DYNC2I2: variants seen among roughly 807,000 people sequenced by gnomAD.
DYNC2I2 encodes the protein dynein 2 intermediate chain 2.
Under a neutral mutation model 52.0 loss-of-function variants are expected in DYNC2I2, and 39 were observed. That is an observed-to-expected ratio of 0.75 (90% CI 0.58 to 0.98). The LOEUF is 0.98. Ranked by LOEUF, DYNC2I2 falls within the 50% of genes least tolerant of loss-of-function variation. The pLI is 0.00. For missense variants in DYNC2I2, 743 were observed against 728.4 expected (o/e 1.02, Z -0.23); for synonymous variants, 359 against 321.1 (o/e 1.12, Z -1.26).
chr9:128,673,149 G>A, the DYNC2I2 span, among the ~76,000 whole-genome samples: 1 of 152,256 alleles, frequency 6.6e-6, no homozygotes. Flanking sequence ...TCACAGAGTT[G>A]CTTATAATGA....
chr9:128,679,443 A>C, the DYNC2I2 span, among the ~76,000 whole-genome samples: 2 of 152,216 alleles, frequency 1.3e-5, no homozygotes, highest in African/African-American at 4.8e-5. Flanking sequence ...ACTTATGACT[A>C]AGATTTAGTT....
At chr9:128,668,472 G>A in the DYNC2I2 span, among the ~76,000 whole-genome samples, 71 of 151,706 alleles carry the variant, frequency 4.7e-4, no homozygotes, top group African/African-American at 1.6e-3. Context: ...CGTAAATCAC[G>A]ATTGTGTCAT....
chr9:128,656,349 G>A (rs1860823865), intron 1 of DYNC2I2, among the ~76,000 whole-genome samples, 192 bp downstream of exon 1: 3 of 152,100 alleles, frequency 2.0e-5, no homozygotes, highest in South Asian at 2.1e-4. Context: ...TGGGCCGAAA[G>A]TATCCTCTGG....
rs1038265489 is a variant in DYNC2I2, at chr9:128,634,339, T to A, written c.1259A>T (p.Tyr420Phe). The change falls in exon 8 of 9, where the codon TAC becomes TTC. Residue 420 changes from tyrosine (Y) to phenylalanine (F), a missense_variant. Coordinates refer to ENST00000372715, the MANE Select transcript of DYNC2I2 (RefSeq NM_052844.4). ...CAAGGGAGGGGCCTGCAGCATGGAGTACAGGTGGACATGCCCGTCAGTCCC... is the reference window on the plus strand; with the variant it reads ...CAAGGGAGGGGCCTGCAGCATGGAGAACAGGTGGACATGCCCGTCAGTCCC... ...SAGTDGHVHL[Y>F]SMLQAPPLTS... 16 of 1,608,496 alleles carry A rather than the reference T, an allele frequency of 9.9e-6. No homozygotes were observed. The highest frequency in any genetic ancestry group is 1.3e-5 in the African/African-American group (1 of 74,406).
intron 1 of DYNC2I2, among the ~76,000 whole-genome samples, chr9:128,649,802 A>G (rs377152415): frequency 0.25 from 8,142 of 32,016 alleles, 1,761 homozygotes; most frequent in Non-Finnish European, 0.59. Flanking sequence ...AGACCAGCCT[A>G]ACCAACATGG....
Position 128,656,694 on chromosome 9 carries a change from G to A in DYNC2I2, c.33C>T (p.Ser11=). MATRAQPGPL[S]QAGSAGVAAL... is the part of the protein sequence containing the mutation. Reference sequence around the variant, plus strand: ...CCGCAACACCAGCGCTTCCCGCCTGGCTGAGTGGCCCCGGCTGCGCGCGGG... The same window carrying A: ...CCGCAACACCAGCGCTTCCCGCCTGACTGAGTGGCCCCGGCTGCGCGCGGG... Residue 11 remains serine (S), a synonymous_variant, in exon 1 of 9, where the codon AGC becomes AGT. Coordinates refer to ENST00000372715, the MANE Select transcript of DYNC2I2 (RefSeq NM_052844.4). 1 of 1,482,524 alleles carries A rather than the reference G, an allele frequency of 6.7e-7. No homozygotes were observed. The allele number at this position is 1,482,524 out of a possible 1,614,324, so 91.8% of individuals were successfully genotyped here. A position where few individuals can be genotyped will look rare whatever the true frequency, so the allele number is the denominator to read the frequency against.
Position 128,656,819 on chromosome 9 carries a change from G to A in DYNC2I2, c.-93C>T, listed in dbSNP as rs1860839697. 3 of 1,255,906 alleles carry A rather than the reference G, an allele frequency of 2.4e-6. No homozygotes were observed. The highest frequency in any genetic ancestry group is 3.1e-6 in the Non-Finnish European group (3 of 978,008). 77.8% of individuals were successfully genotyped at this position (1,255,906 alleles called of 1,614,324 possible). A position where few individuals can be genotyped will look rare whatever the true frequency, so the allele number is the denominator to read the frequency against. ...GGAAAACGGGGAATGTGAGGCTGACGGCGCCATGTTTGAATTGGTCGCAGC... is the reference window on the plus strand; with the variant it reads ...GGAAAACGGGGAATGTGAGGCTGACAGCGCCATGTTTGAATTGGTCGCAGC... On this transcript the variant is annotated 5_prime_UTR_variant, in exon 1 of 9. Coordinates refer to ENST00000372715, the MANE Select transcript of DYNC2I2 (RefSeq NM_052844.4).
Position 128,634,927 on chromosome 9 carries a change from G to A in DYNC2I2, c.982-6C>T. 2 of 1,611,538 alleles carry A rather than the reference G, an allele frequency of 1.2e-6. No individual in the cohort carries two copies. The highest frequency in any genetic ancestry group is 1.7e-6 in the Non-Finnish European group (2 of 1,179,294). On this transcript the variant is annotated splice_region_variant and splice_polypyrimidine_tract_variant and intron_variant, in intron 6 of 8. Coordinates refer to ENST00000372715, the MANE Select transcript of DYNC2I2 (RefSeq NM_052844.4). ...TCGGTCTCCCCGCGGGGATGCTGTG[G>A]AGAAATGGCAGCAGCAGGGTCAGAG...
intron 1 of DYNC2I2, among the ~76,000 whole-genome samples, chr9:128,644,852 A>G (rs1860584293): frequency 1.3e-5 from 2 of 152,246 alleles, no homozygotes; most frequent in Non-Finnish European, 2.9e-5. Context: ...ATTCATTCTT[A>G]TTATATCTGC....
At chr9:128,641,345 C>T (rs1280554071) in intron 1 of DYNC2I2, among the ~76,000 whole-genome samples, 1 of 152,076 alleles carries the variant, frequency 6.6e-6, no homozygotes, top group Admixed American at 6.6e-5. Flanking sequence ...CCCATGAACA[C>T]CCCAGCTTCA....
At position 128,640,849 on chromosome 9, in the gene DYNC2I2, C is replaced by A. The variant is rs747197509; in HGVS notation, c.277G>T (p.Val93Leu). The change falls in exon 2 of 9, where the codon GTG (valine) becomes TTG (leucine). Residue 93 changes from valine to leucine, a missense_variant. Coordinates refer to ENST00000372715, the MANE Select transcript of DYNC2I2 (RefSeq NM_052844.4). ...VDAQVQTEAP[V>L]PVSVQPPSQY... Reference sequence around the variant, plus strand: ...GACGGGGGCTGCACGCTGACAGGCACGGGGGCCTCCGTCTGCACCTGGGCG... The same window carrying A: ...GACGGGGGCTGCACGCTGACAGGCAAGGGGGCCTCCGTCTGCACCTGGGCG... The A allele has an allele frequency of 2.5e-6, 4 of 1,613,842 alleles. No homozygotes were observed. Among genetic ancestry groups the A allele is most frequent in the Non-Finnish European group, 2.5e-6 (3 of 1,180,002 alleles).
chr9:128,633,896 A>T lies in DYNC2I2; in HGVS notation c.1459T>A (p.Cys487Ser). 6.2e-7 allele frequency: 1 copy of T among 1,613,454 alleles called. No individual in the cohort carries two copies. The highest frequency in any genetic ancestry group is 1.1e-5 in the South Asian group (1 of 91,088). The change falls in exon 9 of 9, where the codon TGT (cysteine) becomes AGT (serine). Residue 487 changes from cysteine to serine, a missense_variant. Cys to Ser is a moderately radical substitution (Grantham distance 112). Transcript: ENST00000372715. ...KQTQDESPVY[C>S]LEFNSQQTQL... ...GTCTGCTGGCTGTTGAACTCCAGAC[A>T]GTAGACAGGGCTTTCATCCTGGGTT...
At chr9:128,683,609 G>A in the DYNC2I2 span, 3 of 348,998 alleles carry the variant, frequency 8.6e-6, no homozygotes, top group Admixed American at 4.6e-5. Flanking sequence ...AAAGCACAGG[G>A]ATCCTCTCCT....
the DYNC2I2 span, among the ~76,000 whole-genome samples, chr9:128,674,328 G>C: frequency 6.6e-6 from 1 of 151,698 alleles, no homozygotes; most frequent in Non-Finnish European, 1.5e-5. Context: ...TAGAGATGGG[G>C]TTTCACCGTG....
chr9:128,637,047 C>T lies in DYNC2I2; in HGVS notation c.436-20G>A, dbSNP rs1206177711. 9 of 1,597,800 alleles carry T rather than the reference C, an allele frequency of 5.6e-6. No individual in the cohort carries two copies. The highest frequency in any genetic ancestry group is 2.2e-5 in the East Asian group (1 of 44,712). On this transcript the variant is annotated intron_variant, in intron 2 of 8. Coordinates refer to ENST00000372715, the MANE Select transcript of DYNC2I2 (RefSeq NM_052844.4). ...AGACACCTGCGGAGACGTCCCCAAC[C>T]CTGAGTCCAAAGCCACCAGCAGGGG...
chr9:128,646,044 C>A (rs755986814), intron 1 of DYNC2I2, among the ~76,000 whole-genome samples: 2 of 152,188 alleles, frequency 1.3e-5, no homozygotes, highest in Non-Finnish European at 2.9e-5. Flanking sequence ...GTGAAGCCAG[C>A]AGAGGTTGGC....
chr9:128,664,052 G>A, the DYNC2I2 span, among the ~76,000 whole-genome samples: 13 of 143,162 alleles, frequency 9.1e-5, no homozygotes, highest in South Asian at 2.3e-4. Flanking sequence ...TCACCTCCCC[G>A]GTACAAGCGA....
Position 128,640,705 on chromosome 9 carries a change from C to T in DYNC2I2, c.421G>A (p.Glu141Lys), listed in dbSNP as rs1202893295. ...AFDGFEVNWT[E>K]QQQMVSCLYT... ...CCATCCCCTACCATCTGCTGCTGCT[C>T]GGTCCAGTTCACCTCGAAGCCATCA... The change falls in exon 2 of 9, where the codon GAG becomes AAG. Residue 141 changes from glutamate to lysine, a missense_variant. Physicochemically the swap from Glu to Lys is moderately conservative, Grantham distance 56. Coordinates refer to ENST00000372715, the MANE Select transcript of DYNC2I2 (RefSeq NM_052844.4). 2.5e-6 allele frequency: 4 copies of T among 1,613,948 alleles called. No individual in the cohort carries two copies. The highest frequency in any genetic ancestry group is 3.4e-6 in the Non-Finnish European group (4 of 1,179,886).
the DYNC2I2 span, among the ~76,000 whole-genome samples, chr9:128,679,312 G>A: frequency 6.6e-6 from 1 of 152,112 alleles, no homozygotes; most frequent in Non-Finnish European, 1.5e-5. Flanking sequence ...AAGGAGCCCA[G>A]AGTCTCAGCA....
Sources: gnomAD v4.1 joint callset for allele counts (sites outside exome capture counted in the v4.1 genomes callset) on GRCh38, gnomAD v4.1.1 for gene constraint, MANE v1.5 for transcripts, NCBI Gene and HGNC (gene_info 2026-07-23, HGNC 2026-07-21) for gene names.